Variants in PIGBOS1 observed in about 807,000 individuals in gnomAD.
The protein encoded by PIGBOS1 is protein PIGBOS1.
chr15:55,318,331 T>C (rs182946502), intron 1 of PIGBOS1, among the ~76,000 whole-genome samples: 45 of 150,632 alleles, frequency 3.0e-4, no homozygotes, highest in Admixed American at 2.6e-3. Flanking sequence ...TCCTCTGACC[T>C]CCTGATCCGC....
rs199772242 is a variant in PIGBOS1 at position 55,318,033 on chromosome 15, A to G, written c.-75-166T>C. ...TACAGGAAGTGAATTAGGGAAGGGT[A>G]TAAGACAAAACTAAAACCTTTTCTA... On this transcript the variant is annotated intron_variant, in intron 1 of 1. Coordinates refer to ENST00000436697, the MANE Select transcript of PIGBOS1 (RefSeq NM_001308421.2). 6.6e-5 allele frequency among the ~76,000 whole-genome samples: 10 copies of G among 152,322 alleles called. No individual in the cohort carries two copies. In the East Asian group the frequency reaches 1.5e-3, roughly 24 times the overall value.
Position 55,317,732 on chromosome 15 carries a change from C to A in PIGBOS1, c.61G>T (p.Gly21Ter). 1 of 398,598 alleles carries A rather than the reference C, an allele frequency of 2.5e-6. No homozygotes were observed. The allele number at this position is 398,598 out of a possible 1,614,324, so 24.7% of individuals were successfully genotyped here. A position where few individuals can be genotyped will look rare whatever the true frequency, so the allele number is the denominator to read the frequency against. ...AATACTGGTTGAAAAATATATACTC[C>A]TCCAGCAATTCCAAGGACAGTGGCA... ...LFATVLGIAG[G>*]VYIFQPVFEQ... The change falls in exon 2 of 2, where the codon GGA (glycine) becomes TGA (stop). Residue 21 changes from glycine (G) to a stop codon, truncating the protein, a stop_gained. Coordinates refer to ENST00000436697, the MANE Select transcript of PIGBOS1 (RefSeq NM_001308421.2). LOFTEE classifies it high-confidence loss of function.
intron 1 of PIGBOS1, among the ~76,000 whole-genome samples, chr15:55,318,098 C>A (rs1482336561): frequency 7.6e-6 from 1 of 131,424 alleles, no homozygotes. Flanking sequence ...CATACTTTTT[C>A]TTTTTTTTTT....
In PIGBOS1 at chr15:55,317,337, T is replaced by G. The variant is rs1284737774; in HGVS notation, c.*291A>C. The G allele has an allele frequency of 5.7e-6, 1 of 175,954 alleles. No individual in the cohort carries two copies. The highest frequency in any genetic ancestry group is 1.2e-5 in the Non-Finnish European group (1 of 83,988). The allele number at this position is 175,954 out of a possible 1,614,324, so 10.9% of individuals were successfully genotyped here. ...TTTTTTTGCTTTTTGTTTTTTTAGA[T>G]GGAGTCTCGCTCTGTCACCCAGGCT... On this transcript the variant is annotated 3_prime_UTR_variant, in exon 2 of 2. Coordinates refer to ENST00000436697, the MANE Select transcript of PIGBOS1 (RefSeq NM_001308421.2).
At position 55,317,279 on chromosome 15, in the gene PIGBOS1, T is replaced by G. The variant is rs1242198259; in HGVS notation, c.*349A>C. On this transcript the variant is annotated 3_prime_UTR_variant, in exon 2 of 2. Transcript: ENST00000436697. ...ATAATTAAATGGAACTTTAAGCAAT[T>G]ATTACAGTTCATCTCCATGAGGTAT... The G allele has an allele frequency of 6.5e-6, 1 of 154,482 alleles. No individual in the cohort carries two copies. Among genetic ancestry groups the G allele is most frequent in the Non-Finnish European group, 1.4e-5 (1 of 69,622 alleles). 9.6% of individuals were successfully genotyped at this position (154,482 alleles called of 1,614,324 possible). A position where few individuals can be genotyped will look rare whatever the true frequency, so the allele number is the denominator to read the frequency against.
rs2055063192 is a variant in PIGBOS1 at position 55,317,807 on chromosome 15, C to CAGCT, written c.-19_-16dup. On this transcript the variant is annotated 5_prime_UTR_variant, in exon 2 of 2. Coordinates refer to ENST00000436697, the MANE Select transcript of PIGBOS1 (RefSeq NM_001308421.2). ...CTCCTAAACATTGCTGCAACAAATA[C>CAGCT]AGCTCAAGGAAAAGCTGGTTTTGGA... 2.5e-6 allele frequency: 1 copy of CAGCT among 397,724 alleles called. No individual in the cohort carries two copies. Among genetic ancestry groups the CAGCT allele is most frequent in the Non-Finnish European group, 4.4e-6 (1 of 225,460 alleles). 24.6% of individuals were successfully genotyped at this position (397,724 alleles called of 1,614,324 possible).
intron 1 of PIGBOS1, among the ~76,000 whole-genome samples, 198 bp downstream of exon 1, chr15:55,318,666 A>T (rs914257278): frequency 6.7e-6 from 1 of 149,858 alleles, no homozygotes; most frequent in Non-Finnish European, 1.5e-5. Flanking sequence ...GCGCCACTGC[A>T]CTCCAGCCTG....
At chr15:55,318,374 G>A (rs1157189171) in intron 1 of PIGBOS1, among the ~76,000 whole-genome samples, 2 of 150,414 alleles carry the variant, frequency 1.3e-5, no homozygotes, top group Non-Finnish European at 3.0e-5. Context: ...TGGGAATACA[G>A]GCGTGAGCCA....
Position 55,317,449 on chromosome 15 carries a change from G to T in PIGBOS1, c.*179C>A. The T allele has an allele frequency of 3.8e-6, 1 of 265,778 alleles. No homozygotes were observed. The highest frequency in any genetic ancestry group is 7.1e-6 in the Non-Finnish European group (1 of 141,792). 16.5% of individuals were successfully genotyped at this position (265,778 alleles called of 1,614,324 possible). On this transcript the variant is annotated 3_prime_UTR_variant, in exon 2 of 2. Coordinates refer to ENST00000436697, the MANE Select transcript of PIGBOS1 (RefSeq NM_001308421.2). Reference sequence around the variant, plus strand: ...CCTGCCTCAGCCTCCCAAGTAGCTGGGATTACAGGCGCATGCCACCAAGCC... The same window carrying T: ...CCTGCCTCAGCCTCCCAAGTAGCTGTGATTACAGGCGCATGCCACCAAGCC...
intron 1 of PIGBOS1, 121 bp from the exon 2 acceptor site, chr15:55,317,988 G>A (rs1349411818): frequency 8.9e-6 from 3 of 336,680 alleles, no homozygotes; most frequent in African/African-American, 2.1e-5. Flanking sequence ...ATTAAAACAA[G>A]AATATAAATA....
chr15:55,319,025 G>T lies in PIGBOS1; in HGVS notation c.-237C>A. 1 of 530,540 alleles carries T rather than the reference G, an allele frequency of 1.9e-6. No individual in the cohort carries two copies. Among genetic ancestry groups the T allele is most frequent in the East Asian group, 3.3e-5 (1 of 30,150 alleles). 32.9% of individuals were successfully genotyped at this position (530,540 alleles called of 1,614,324 possible). ...GCCTTCCAGCAGTTTTCGGACCCCC[G>T]AGCACAGAGACCGCCAAGCCAAAGG... On this transcript the variant is annotated 5_prime_UTR_variant, in exon 1 of 2. Transcript: ENST00000436697.
rs1308244405 is a variant in PIGBOS1, at chr15:55,317,225, A to T, written c.*403T>A. On this transcript the variant is annotated 3_prime_UTR_variant, in exon 2 of 2. Transcript: ENST00000436697. ...TTATCCATGATTTATTTTTAAGTAC[A>T]TCTATGTTTTTGCTAGATTAGAGTT... The T allele has an allele frequency of 6.6e-6, 1 of 152,448 alleles. No homozygotes were observed. The highest frequency in any genetic ancestry group is 1.5e-5 in the Non-Finnish European group (1 of 68,188). The allele number at this position is 152,448 out of a possible 1,614,324, so 9.4% of individuals were successfully genotyped here. A position where few individuals can be genotyped will look rare whatever the true frequency, so the allele number is the denominator to read the frequency against.
In PIGBOS1 at chr15:55,317,648, A is replaced by G. The variant is rs543632264; in HGVS notation, c.145T>C (p.Ser49Pro). The change falls in exon 2 of 2, where the codon TCA becomes CCA. Residue 49 changes from serine to proline, a missense_variant. Coordinates refer to ENST00000436697, the MANE Select transcript of PIGBOS1 (RefSeq NM_001308421.2). ...LKEKMQLVQESEEKKS is the reference protein window; with the variant it reads ...LKEKMQLVQEPEEKKS ...TAGTATTAACTTTTCTTCTCTTCTG[A>G]TTCTTGTACCAACTGCATCTTTTCT... is the stretch of plus-strand genomic sequence containing the variant. The G allele has an allele frequency of 1.3e-4, 51 of 398,494 alleles. No individual in the cohort carries two copies. The South Asian group carries it at 2.2e-3, about 17-fold the overall frequency. 24.7% of individuals were successfully genotyped at this position (398,494 alleles called of 1,614,324 possible).
rs2055094341 is a variant in PIGBOS1, at chr15:55,318,903, T to C, written c.-115A>G. The stretch of plus-strand genomic sequence containing the variant: ...CCAACACTGACGTCTACAATTACCG[T>C]TACCGTTTTTAATAACCACTCAGGT... On this transcript the variant is annotated 5_prime_UTR_variant, in exon 1 of 2. Transcript: ENST00000436697. 4.4e-6 allele frequency: 1 copy of C among 227,730 alleles called. No homozygotes were observed. Among genetic ancestry groups the C allele is most frequent in the South Asian group, 7.7e-5 (1 of 13,066 alleles). 14.1% of individuals were successfully genotyped at this position (227,730 alleles called of 1,614,324 possible).
chr15:55,319,020 C>A lies in PIGBOS1; in HGVS notation c.-232G>T. 1 of 506,140 alleles carries A rather than the reference C, an allele frequency of 2.0e-6. No homozygotes were observed. The highest frequency in any genetic ancestry group is 2.0e-5 in the African/African-American group (1 of 51,114). The allele number at this position is 506,140 out of a possible 1,614,324, so 31.4% of individuals were successfully genotyped here. A position where few individuals can be genotyped will look rare whatever the true frequency, so the allele number is the denominator to read the frequency against. ...CGGGGGCCTTCCAGCAGTTTTCGGA[C>A]CCCCGAGCACAGAGACCGCCAAGCC... On this transcript the variant is annotated 5_prime_UTR_variant, in exon 1 of 2. Coordinates refer to ENST00000436697, the MANE Select transcript of PIGBOS1 (RefSeq NM_001308421.2).
chr15:55,319,120 C>A lies in PIGBOS1; in HGVS notation c.-332G>T. 1 of 1,133,232 alleles carries A rather than the reference C, an allele frequency of 8.8e-7. No individual in the cohort carries two copies. The highest frequency in any genetic ancestry group is 1.2e-6 in the Non-Finnish European group (1 of 819,860). 70.2% of individuals were successfully genotyped at this position (1,133,232 alleles called of 1,614,324 possible). On this transcript the variant is annotated 5_prime_UTR_variant, in exon 1 of 2. Transcript: ENST00000436697. ...AGGAGGCCACCACGTCGGGTGGGAG[C>A]TACGAAGTTGCCCGTTCCCGGTTAC...
rs574531291 is a variant in PIGBOS1 at position 55,317,621 on chromosome 15, T to G, written c.*7A>C. On this transcript the variant is annotated 3_prime_UTR_variant, in exon 2 of 2. Transcript: ENST00000436697. ...AGCCACTGCGCCAGGCCTAACTCCA[T>G]GTAGTATTAACTTTTCTTCTCTTCT... The G allele has an allele frequency of 2.5e-6, 1 of 397,614 alleles. No homozygotes were observed. The highest frequency in any genetic ancestry group is 4.4e-6 in the Non-Finnish European group (1 of 225,480). 24.6% of individuals were successfully genotyped at this position (397,614 alleles called of 1,614,324 possible). A position where few individuals can be genotyped will look rare whatever the true frequency, so the allele number is the denominator to read the frequency against.
At chr15:55,318,363 C>T (rs1167232260) in intron 1 of PIGBOS1, among the ~76,000 whole-genome samples, 5 of 149,466 alleles carry the variant, frequency 3.3e-5, no homozygotes, top group African/African-American at 1.2e-4. Context: ...TCCCAAAGTA[C>T]TGGGAATACA....
At chr15:55,317,982 A>C (rs76763064) in intron 1 of PIGBOS1, 115 bp from the exon 2 acceptor site, 4,902 of 354,836 alleles carry the variant, frequency 0.014, 224 homozygotes, top group African/African-American at 0.094. Context: ...TTACTAATTA[A>C]AACAAGAATA....
Sources: gnomAD v4.1 joint callset for allele counts (sites outside exome capture counted in the v4.1 genomes callset) on GRCh38, gnomAD v4.1.1 for gene constraint, MANE v1.5 for transcripts, NCBI Gene and HGNC (gene_info 2026-07-23, HGNC 2026-07-21) for gene names.